CPEB4: variants seen among roughly 807,000 people sequenced by gnomAD.
CPEB4 encodes cytoplasmic polyadenylation element binding protein 4.
Under a neutral mutation model 72.5 loss-of-function variants are expected in CPEB4, and 12 were observed. The observed-to-expected ratio is 0.17, with a 90% CI of 0.11 to 0.27. The LOEUF (loss-of-function observed/expected upper bound fraction) is 0.27, where lower values mean the gene tolerates loss of function less well. Ranked by LOEUF, CPEB4 falls within the 10% of genes least tolerant of loss-of-function variation. CPEB4 has a pLI of 1.00. For synonymous variants in CPEB4, 302 were observed against 326.3 expected (o/e 0.93, Z 0.80); for missense variants, 614 against 908.5 (o/e 0.68, Z 4.17).
At chr5:173,917,639 C>A (rs573792509) in intron 2 of CPEB4, among the ~76,000 whole-genome samples, 1 of 152,254 alleles carries the variant, frequency 6.6e-6, no homozygotes, top group Admixed American at 6.5e-5. Context: ...GGCAGGAGAA[C>A]CGCTTGAACC....
At chr5:173,907,713 T>C (rs1756493194) in intron 1 of CPEB4, among the ~76,000 whole-genome samples, 1 of 152,206 alleles carries the variant, frequency 6.6e-6, no homozygotes, top group South Asian at 2.1e-4. Flanking sequence ...TGAGGCAGAG[T>C]AATACAGAAA....
At chr5:173,943,860 A>G (rs1437886454) in intron 4 of CPEB4, among the ~76,000 whole-genome samples, 1 of 152,246 alleles carries the variant, frequency 6.6e-6, no homozygotes, top group Non-Finnish European at 1.5e-5. Context: ...CTATTAAAGT[A>G]AGAGCACTTG....
chr5:173,943,116 C>T, intron 4 of CPEB4, 67 bp downstream of exon 4: 1 of 1,512,218 alleles, frequency 6.6e-7, no homozygotes, highest in South Asian at 1.2e-5. Context: ...TGTTTAATTT[C>T]TAACCTTTGT....
At chr5:173,949,301 T>C (rs1308709719) in intron 5 of CPEB4, among the ~76,000 whole-genome samples, 2 of 152,014 alleles carry the variant, frequency 1.3e-5, no homozygotes, top group Non-Finnish European at 2.9e-5. Flanking sequence ...TGTGCATATG[T>C]ACAGATAGAG....
chr5:173,891,893 C>T (rs1190813414), intron 1 of CPEB4, among the ~76,000 whole-genome samples: 2 of 151,760 alleles, frequency 1.3e-5, no homozygotes, highest in Admixed American at 6.6e-5. Context: ...CCCCATTTTA[C>T]AGATGCAGAA....
intron 3 of CPEB4, among the ~76,000 whole-genome samples, chr5:173,933,288 T>G (rs1262839691): frequency 1.3e-5 from 2 of 152,372 alleles, no homozygotes; most frequent in African/African-American, 4.8e-5. Context: ...AATAGCTATA[T>G]TCTCATAATT....
rs972124015 is a variant in CPEB4 at position 173,961,706 on chromosome 5, T to A, written c.*5569T>A. On this transcript the variant is annotated 3_prime_UTR_variant, in exon 10 of 10. Coordinates refer to ENST00000265085, the MANE Select transcript of CPEB4 (RefSeq NM_030627.4). ...CACAGCTAGATCAGAAAGTAAGTAC[T>A]TTTTCTAGGGATTTTTTTTTTTTTT... The A allele has an allele frequency of 4.3e-5, 6 of 139,894 alleles. No homozygotes were observed. The highest frequency in any genetic ancestry group is 1.6e-4 in the African/African-American group (6 of 36,688). The allele number at this position is 139,894 out of a possible 1,614,324, so 8.7% of individuals were successfully genotyped here. A position where few individuals can be genotyped will look rare whatever the true frequency, so the allele number is the denominator to read the frequency against.
intron 2 of CPEB4, among the ~76,000 whole-genome samples, chr5:173,924,921 A>C (rs1757191308): frequency 6.6e-6 from 1 of 152,222 alleles, no homozygotes; most frequent in African/African-American, 2.4e-5. Flanking sequence ...AGTAATGTAA[A>C]TATGGTGTAA....
rs2113106308 is a variant in CPEB4, at chr5:173,889,118, G to GA, written c.-613dup. On this transcript the variant is annotated 5_prime_UTR_variant, in exon 1 of 10. An upstream open reading frame in the 5' UTR gains an earlier in-frame stop. Coordinates refer to ENST00000265085, the MANE Select transcript of CPEB4 (RefSeq NM_030627.4). ...TTAGTCAATGCTGATTTCCTCTCCC[G>GA]AAACCAGGAATTCACTTCCCACCCC... 1 of 151,728 alleles carries GA rather than the reference G, an allele frequency of 6.6e-6. No individual in the cohort carries two copies. Among genetic ancestry groups the GA allele is most frequent in the East Asian group, 1.9e-4 (1 of 5,174 alleles). The allele number at this position is 151,728 out of a possible 1,614,324, so 9.4% of individuals were successfully genotyped here.
chr5:173,905,031 TAG>T (rs564879254), intron 1 of CPEB4, among the ~76,000 whole-genome samples: 192 of 149,252 alleles, frequency 1.3e-3, no homozygotes, highest in African/African-American at 4.5e-3. Context: ...AAATGTAACT[TAG>T]AAGATTTGAG....
intron 8 of CPEB4, among the ~76,000 whole-genome samples, chr5:173,952,531 G>A (rs1196122160): frequency 2.0e-5 from 3 of 152,120 alleles, no homozygotes; most frequent in African/African-American, 7.2e-5. Context: ...CAGGAATGTA[G>A]CTGCACGATT....
At chr5:173,938,365 A>G (rs1342942433) in intron 3 of CPEB4, among the ~76,000 whole-genome samples, 2 of 152,316 alleles carry the variant, frequency 1.3e-5, no homozygotes, top group Admixed American at 6.5e-5. Flanking sequence ...AGCTGCGATT[A>G]CAGGCATGTG....
At position 173,950,051 on chromosome 5, in the gene CPEB4, A is replaced by G; in HGVS notation, c.1638A>G (p.Val546=). 1 of 1,608,778 alleles carries G rather than the reference A, an allele frequency of 6.2e-7. No homozygotes were observed. Among genetic ancestry groups the G allele is most frequent in the South Asian group, 1.1e-5 (1 of 90,488 alleles). The stretch of plus-strand genomic sequence containing the variant: ...AAGATGGAAAACTCTACCTTTGTGT[A>G]TCAAGTCCCACTATCAAGGATAAGC... The part of the protein sequence containing the change: ...IEEDGKLYLC[V]SSPTIKDKPV... The change falls in exon 7 of 10, where the codon GTA becomes GTG. Residue 546 remains valine (V), a synonymous_variant. Coordinates refer to ENST00000265085, the MANE Select transcript of CPEB4 (RefSeq NM_030627.4). The surrounding 1 kb of genome is among the most constrained non-coding windows in gnomAD (Gnocchi z 5.0).
chr5:173,945,836 C>G (rs978424712), intron 5 of CPEB4, among the ~76,000 whole-genome samples: 6 of 152,184 alleles, frequency 3.9e-5, no homozygotes, highest in Admixed American at 1.3e-4. Flanking sequence ...AAGGAGCCAG[C>G]CATGCAAAGA....
intron 1 of CPEB4, among the ~76,000 whole-genome samples, chr5:173,894,363 G>A (rs1755925949): frequency 6.6e-6 from 1 of 152,102 alleles, no homozygotes; most frequent in African/African-American, 2.4e-5. Flanking sequence ...GCTGACGCCT[G>A]TAATCCCAGC....
Position 173,950,148 on chromosome 5 carries a change from A to G in CPEB4, c.1665+70A>G. 3 of 897,018 alleles carry G rather than the reference A, an allele frequency of 3.3e-6. No individual in the cohort carries two copies. The highest frequency in any genetic ancestry group is 2.3e-5 in the Admixed American group (1 of 42,900). The allele number at this position is 897,018 out of a possible 1,614,324, so 55.6% of individuals were successfully genotyped here. A position where few individuals can be genotyped will look rare whatever the true frequency, so the allele number is the denominator to read the frequency against. ...TTCATCTGTTATATTTGAAAAACCCATAGACAACTTGATGTGTTTGGGGTA... is the reference window on the plus strand; with the variant it reads ...TTCATCTGTTATATTTGAAAAACCCGTAGACAACTTGATGTGTTTGGGGTA... On this transcript the variant is annotated intron_variant, in intron 7 of 9. Coordinates refer to ENST00000265085, the MANE Select transcript of CPEB4 (RefSeq NM_030627.4). This position sits in a 1 kb window ranked among gnomAD's most constrained non-coding sequence, Gnocchi z 5.0.
intron 4 of CPEB4, 55 bp downstream of exon 4, chr5:173,943,104 C>T: frequency 1.3e-6 from 2 of 1,559,300 alleles, no homozygotes; most frequent in Non-Finnish European, 1.8e-6. Context: ...ACGACCCAAG[C>T]TTGTTTAATT....
At chr5:173,946,957 T>G (rs1011166340) in intron 5 of CPEB4, among the ~76,000 whole-genome samples, 1 of 151,954 alleles carries the variant, frequency 6.6e-6, no homozygotes, top group Non-Finnish European at 1.5e-5. Flanking sequence ...GTTAACCTTT[T>G]TCCCCCCCAA....
Position 173,958,390 on chromosome 5 carries a change from G to C in CPEB4, c.*2253G>C, listed in dbSNP as rs1265459497. The C allele has an allele frequency of 2.6e-5, 4 of 152,428 alleles. No individual in the cohort carries two copies. The highest frequency in any genetic ancestry group is 5.9e-5 in the Non-Finnish European group (4 of 67,946). 9.4% of individuals were successfully genotyped at this position (152,428 alleles called of 1,614,324 possible). Reference sequence around the variant, plus strand: ...TTCATATTGCAAAGAGTAGCTTTTTGTACTTTTATTACTGAGAGATCTTCA... The same window carrying C: ...TTCATATTGCAAAGAGTAGCTTTTTCTACTTTTATTACTGAGAGATCTTCA... On this transcript the variant is annotated 3_prime_UTR_variant, in exon 10 of 10. Coordinates refer to ENST00000265085, the MANE Select transcript of CPEB4 (RefSeq NM_030627.4).
Sources: gnomAD v4.1 joint callset for allele counts (sites outside exome capture counted in the v4.1 genomes callset) on GRCh38, gnomAD v4.1.1 for gene constraint, Gnocchi (gnomAD v3.1) non-coding constraint, MANE v1.5 for transcripts, NCBI Gene and HGNC (gene_info 2026-07-23, HGNC 2026-07-21) for gene names.